CDC42BPA: variants seen among roughly 807,000 people sequenced by gnomAD.
CDC42BPA encodes serine/threonine-protein kinase MRCK alpha.
A neutral mutation model predicts 223.5 loss-of-function variants in CDC42BPA; 80 were observed. The ratio of observed to expected loss-of-function variants is 0.36; its 90% confidence interval spans 0.30 to 0.43. CDC42BPA has a LOEUF of 0.43. Among genes scored for constraint, CDC42BPA ranks in the 20% least tolerant of loss-of-function variants. The pLI is 1.00. For missense variants in CDC42BPA, 1,743 were observed against 2,099.9 expected (o/e 0.83, Z 3.32); for synonymous variants, 694 against 718.6 (o/e 0.97, Z 0.55).
chr1:227,246,076 T>C (rs1572607957), intron 2 of CDC42BPA, among the ~76,000 whole-genome samples: 1 of 152,122 alleles, frequency 6.6e-6, no homozygotes, highest in African/African-American at 2.4e-5. Flanking sequence ...GCCCACTGCC[T>C]GAAGGGTGAG....
At chr1:227,029,464 A>G (rs1668846554) in intron 29 of CDC42BPA, among the ~76,000 whole-genome samples, 1 of 152,338 alleles carries the variant, frequency 6.6e-6, no homozygotes, top group Admixed American at 6.5e-5. Context: ...TCTGGCAGCC[A>G]AGGCAAACCC....
intron 6 of CDC42BPA, among the ~76,000 whole-genome samples, chr1:227,158,659 G>C (rs1663272362): frequency 6.6e-6 from 1 of 152,136 alleles, no homozygotes; most frequent in African/African-American, 2.4e-5. Context: ...TAGGTCTTAG[G>C]TGATACAAAG....
intron 31 of CDC42BPA, among the ~76,000 whole-genome samples, 191 bp downstream of exon 31, chr1:227,025,864 G>A (rs1365752683): frequency 6.6e-6 from 1 of 151,888 alleles, no homozygotes; most frequent in Non-Finnish European, 1.5e-5. Flanking sequence ...AAATTAGTAT[G>A]GTTTTAGTGA....
At chr1:227,229,276 T>C (rs1264764161) in intron 2 of CDC42BPA, among the ~76,000 whole-genome samples, 2 of 152,196 alleles carry the variant, frequency 1.3e-5, no homozygotes, top group Non-Finnish European at 2.9e-5. Context: ...AAAACTGTTT[T>C]ACCTCCTTGG....
At chr1:227,039,154 T>C (rs1384221707) in intron 24 of CDC42BPA, among the ~76,000 whole-genome samples, 1 of 152,150 alleles carries the variant, frequency 6.6e-6, no homozygotes, top group Non-Finnish European at 1.5e-5. Flanking sequence ...TTTTTGTTTC[T>C]GAATTTCAAA....
chr1:227,168,497 G>GTTTTTTTTTTTTTGTTTTTTTTTTTTTT (rs1665488488), intron 5 of CDC42BPA, among the ~76,000 whole-genome samples: 1 of 80,196 alleles, frequency 1.2e-5, no homozygotes, highest in Non-Finnish European at 2.4e-5. Context: ...CTTCCCTGGT[G>GTTTTTTTTTTTTTGTTTTTTTTTTTTTT]TTTTTTTTTT....
At chr1:227,229,778 C>T (rs1366129865) in intron 2 of CDC42BPA, among the ~76,000 whole-genome samples, 8 of 152,046 alleles carry the variant, frequency 5.3e-5, no homozygotes, top group Non-Finnish European at 1.2e-4. Context: ...TGCCATTTTT[C>T]CATTATCTTC....
intron 2 of CDC42BPA, among the ~76,000 whole-genome samples, chr1:227,242,312 T>C (rs1419443512): frequency 6.6e-6 from 1 of 152,116 alleles, no homozygotes; most frequent in Non-Finnish European, 1.5e-5. Context: ...TCTTAATCAT[T>C]AGTAAAATGC....
At chr1:227,294,929 GAA>G (rs1032963989) in intron 1 of CDC42BPA, among the ~76,000 whole-genome samples, 1 of 127,366 alleles carries the variant, frequency 7.9e-6, no homozygotes, top group Non-Finnish European at 1.7e-5. Flanking sequence ...CACATTAAGT[GAA>G]AAAAAAAAGC....
intron 4 of CDC42BPA, 52 bp downstream of exon 4, chr1:227,199,505 C>A: frequency 9.9e-7 from 1 of 1,006,526 alleles, no homozygotes; most frequent in Non-Finnish European, 1.5e-6. Context: ...AAAAATAATG[C>A]TAATTCTTCC....
chr1:227,193,524 C>T (rs1395944597), intron 5 of CDC42BPA: 4 of 354,322 alleles, frequency 1.1e-5, no homozygotes, highest in Non-Finnish European at 2.0e-5. Context: ...CTTTCCTAGT[C>T]TCCAATGTCT....
chr1:227,044,126 G>A (rs1044086820), intron 23 of CDC42BPA, among the ~76,000 whole-genome samples: 6 of 152,168 alleles, frequency 3.9e-5, no homozygotes, highest in African/African-American at 7.2e-5. Flanking sequence ...TCACATGCTT[G>A]TTGACCATCA....
At chr1:227,012,574 T>G (rs1443094816) in intron 34 of CDC42BPA, among the ~76,000 whole-genome samples, 1 of 152,152 alleles carries the variant, frequency 6.6e-6, no homozygotes, top group African/African-American at 2.4e-5. Flanking sequence ...TCTAAGCTTA[T>G]AAGTATTTCA....
intron 1 of CDC42BPA, among the ~76,000 whole-genome samples, chr1:227,302,082 CT>C (rs1691733271): frequency 6.6e-6 from 1 of 152,162 alleles, no homozygotes; most frequent in African/African-American, 2.4e-5. Context: ...CACCTCTATG[CT>C]TGGTGCAAAG....
chr1:227,260,823 G>A (rs1683909911), intron 1 of CDC42BPA, among the ~76,000 whole-genome samples: 1 of 150,888 alleles, frequency 6.6e-6, no homozygotes, highest in African/African-American at 2.5e-5. Flanking sequence ...ACCAACAGTA[G>A]GGCAGGAAAA....
At chr1:227,128,039 A>G (rs558686055) in intron 11 of CDC42BPA, among the ~76,000 whole-genome samples, 1 of 152,208 alleles carries the variant, frequency 6.6e-6, no homozygotes, top group African/African-American at 2.4e-5. Context: ...GTAAAAACCA[A>G]AGACCTTACA....
intron 2 of CDC42BPA, among the ~76,000 whole-genome samples, chr1:227,228,525 T>C (rs1677248526): frequency 6.6e-6 from 1 of 152,244 alleles, no homozygotes; most frequent in Non-Finnish European, 1.5e-5. Context: ...ACATTTTCAA[T>C]TCTCTTGCGT....
At chr1:227,201,474 A>C (rs1437895087) in intron 3 of CDC42BPA, among the ~76,000 whole-genome samples, 3 of 152,184 alleles carry the variant, frequency 2.0e-5, no homozygotes, top group Non-Finnish European at 4.4e-5. Flanking sequence ...ATAATTTTGT[A>C]ATACATTAAC....
chr1:227,128,485 CAAAGA>C (rs1372872410), intron 11 of CDC42BPA, among the ~76,000 whole-genome samples: 2 of 152,064 alleles, frequency 1.3e-5, no homozygotes, highest in Admixed American at 6.6e-5. Flanking sequence ...CAGGCCAAAG[CAAAGA>C]ATTTTTGTTT....
Sources: gnomAD v4.1 joint callset for allele counts (sites outside exome capture counted in the v4.1 genomes callset) on GRCh38, gnomAD v4.1.1 for gene constraint, MANE v1.5 for transcripts, NCBI Gene and HGNC (gene_info 2026-07-23, HGNC 2026-07-21) for gene names.